The following PCDH11X variants were observed in gnomAD, a reference collection of about 807,000 sequenced individuals.
PCDH11X encodes protocadherin 11 X-linked.
PCDH11X carries 18 observed loss-of-function variants against 53.3 expected under a neutral mutation model. The ratio of observed to expected loss-of-function variants is 0.34; its 90% CI spans 0.23 to 0.50. The LOEUF is 0.50. PCDH11X is among the 20% of genes least tolerant of loss of function. The pLI is 0.98. For synonymous variants in PCDH11X, 279 were observed against 393.3 expected, an observed-to-expected ratio of 0.71 and a Z score of 3.44; for missense variants, 570 against 1,032.4, an observed-to-expected ratio of 0.55 and a Z score of 6.14.
chrX:91,892,932 G>A (rs1940572280), intron 6 of PCDH11X, among the ~76,000 whole-genome samples: 1 of 110,161 alleles, frequency 9.1e-6, no homozygotes, highest in Admixed American at 9.8e-5. Context: ...GATTACAGGC[G>A]TGAGCCACCA....
chrX:91,813,207 T>A (rs1445128514), intron 4 of PCDH11X, among the ~76,000 whole-genome samples: 1 of 111,569 alleles, frequency 9.0e-6, no homozygotes, highest in Non-Finnish European at 1.9e-5. Context: ...AATATGCTAA[T>A]TGAATATTGA....
intron 6 of PCDH11X, among the ~76,000 whole-genome samples, chrX:92,120,026 G>A (rs2064722159): frequency 9.0e-6 from 1 of 110,620 alleles, no homozygotes; most frequent in Non-Finnish European, 1.9e-5. Flanking sequence ...AGCTAAAAGG[G>A]GACAGGAGTG....
intron 10 of PCDH11X, among the ~76,000 whole-genome samples, chrX:92,594,809 A>G (rs1281995709): frequency 2.5e-4 from 26 of 104,993 alleles, no homozygotes; most frequent in Non-Finnish European, 4.9e-4. Flanking sequence ...AAACCAAAAT[A>G]ATCTTCCTAC....
intron 8 of PCDH11X, among the ~76,000 whole-genome samples, chrX:92,337,348 C>A (rs192583607): frequency 1.0e-4 from 11 of 110,005 alleles, no homozygotes; most frequent in Non-Finnish European, 1.7e-4. Flanking sequence ...ATAGTGAGTT[C>A]TTGCTCCCTT....
At chrX:92,148,118 CTTT>C (rs2065349549) in intron 6 of PCDH11X, among the ~76,000 whole-genome samples, 18 of 11,994 alleles carry the variant, frequency 1.5e-3, no homozygotes, top group East Asian at 9.7e-3. Context: ...TTCTTTCTTT[CTTT>C]CTTTCTTTCT....
chrX:92,381,759 A>G (rs1311750582), intron 8 of PCDH11X, among the ~76,000 whole-genome samples: 1 of 111,985 alleles, frequency 8.9e-6, no homozygotes, highest in Non-Finnish European at 1.9e-5. Context: ...TGGCAAAGGG[A>G]GAATTATTTT....
chrX:91,890,174 A>C (rs944575486), intron 6 of PCDH11X, among the ~76,000 whole-genome samples: 20 of 110,734 alleles, frequency 1.8e-4, no homozygotes, highest in African/African-American at 5.9e-4. Flanking sequence ...TGTATGTGTG[A>C]GCACAGATAT....
rs112132834 is a variant in PCDH11X at position 92,198,232 on chromosome X, C to CAA, written c.3034-3132_3034-3131dup. 2.3e-3 allele frequency among the ~76,000 whole-genome samples: 193 copies of CAA among 83,002 alleles called. No individual in the cohort carries two copies. The East Asian group carries it at 0.027, about 12-fold the overall frequency. The allele number at this position is 83,002 out of a possible 115,157, so 72.1% of individuals were successfully genotyped here. Reference sequence around the variant, plus strand: ...GTAATATGATGAAACACTGTCTCTACAAAAAAAAAAAAGAAAAAAAATACA... The same window carrying CAA: ...GTAATATGATGAAACACTGTCTCTACAAAAAAAAAAAAAAGAAAAAAAATACA... On this transcript the variant is annotated intron_variant, in intron 6 of 10. Coordinates refer to ENST00000682573, the MANE Select transcript of PCDH11X (RefSeq NM_032968.5).
chrX:91,981,592 C>A (rs2062139459), intron 6 of PCDH11X, among the ~76,000 whole-genome samples: 1 of 111,561 alleles, frequency 9.0e-6, no homozygotes, highest in African/African-American at 3.3e-5. Flanking sequence ...CTCTATTAGT[C>A]CATTTTCATT....
At chrX:91,848,300 C>T (rs1189249228) in intron 5 of PCDH11X, among the ~76,000 whole-genome samples, 1 of 108,989 alleles carries the variant, frequency 9.2e-6, no homozygotes, top group Non-Finnish European at 1.9e-5. Context: ...CATGGGGGTT[C>T]ACTCTATTCT....
At chrX:92,460,830 A>G in intron 9 of PCDH11X, 1 of 1,078,413 alleles carries the variant, frequency 9.3e-7, no homozygotes. Context: ...CGAGGACTTC[A>G]CTCTTGGTGA....
intron 8 of PCDH11X, among the ~76,000 whole-genome samples, chrX:92,279,742 TATGA>T (rs2068205426): frequency 8.9e-6 from 1 of 112,457 alleles, no homozygotes; most frequent in African/African-American, 3.2e-5. Context: ...TTTGGCAATA[TATGA>T]ATGGTTTTTG....
chrX:91,995,241 C>CA lies in PCDH11X; in HGVS notation c.3033+115979dup, dbSNP rs369052107. ...AAAAAAAAAAAAACAAAAAAACAAA[C>CA]AAAAAAAAAAACACTGCTGAGACAA... On this transcript the variant is annotated intron_variant, in intron 6 of 10. Coordinates refer to ENST00000682573, the MANE Select transcript of PCDH11X (RefSeq NM_032968.5). Among the ~76,000 whole-genome samples the CA allele has an allele frequency of 5.1e-3, 487 of 95,683 alleles. 2 individuals carry two copies. Among genetic ancestry groups the CA allele is most frequent in the African/African-American group, 9.4e-3 (252 of 26,795 alleles). 83.1% of individuals were successfully genotyped at this position (95,683 alleles called of 115,157 possible). A position where few individuals can be genotyped will look rare whatever the true frequency, so the allele number is the denominator to read the frequency against.
intron 4 of PCDH11X, among the ~76,000 whole-genome samples, chrX:91,821,300 C>T (rs1936671536): frequency 9.2e-6 from 1 of 109,135 alleles, no homozygotes; most frequent in African/African-American, 3.4e-5. Flanking sequence ...TCTTCCTACC[C>T]ATGAGCATGG....
intron 8 of PCDH11X, among the ~76,000 whole-genome samples, chrX:92,328,669 G>A (rs760504104): frequency 4.4e-4 from 49 of 110,857 alleles, no homozygotes; most frequent in African/African-American, 1.4e-3. Flanking sequence ...TACTGTATAC[G>A]TTTGACAACT....
At position 92,371,575 on chromosome X, in the gene PCDH11X, A is replaced by C. The variant is rs184240651; in HGVS notation, c.3145-16160A>C. The stretch of plus-strand genomic sequence containing the variant: ...CTCAAAAATTCATTAGTGTACTTTT[A>C]ATTCAACAGATATGTATTGACTTTT... On this transcript the variant is annotated intron_variant, in intron 8 of 10. Coordinates refer to ENST00000682573, the MANE Select transcript of PCDH11X (RefSeq NM_032968.5). Among the ~76,000 whole-genome samples the C allele has an allele frequency of 2.1e-4, 23 of 110,832 alleles. No individual in the cohort carries two copies. The East Asian group carries it at 6.3e-3, about 30-fold the overall frequency.
intron 6 of PCDH11X, among the ~76,000 whole-genome samples, chrX:91,985,657 G>T (rs2062217729): frequency 8.9e-6 from 1 of 112,294 alleles, no homozygotes; most frequent in African/African-American, 3.2e-5. Flanking sequence ...ATTTTCCTGA[G>T]ATTTTTGTTT....
chrX:92,036,125 ATC>A (rs1224237091), intron 6 of PCDH11X, among the ~76,000 whole-genome samples: 1 of 87,761 alleles, frequency 1.1e-5, no homozygotes, highest in African/African-American at 4.4e-5. Context: ...AAGGGCATAT[ATC>A]TCTGTTTCTT....
intron 4 of PCDH11X, among the ~76,000 whole-genome samples, chrX:91,829,612 C>T (rs1937043767): frequency 9.0e-6 from 1 of 110,876 alleles, no homozygotes; most frequent in Non-Finnish European, 1.9e-5. Flanking sequence ...ATTCCAAGCC[C>T]ATCACTTTCT....
Sources: allele counts gnomAD v4.1 joint callset (sites outside exome capture counted in the v4.1 genomes callset), GRCh38; gene constraint gnomAD v4.1.1; transcripts MANE v1.5; gene names NCBI Gene and HGNC (gene_info 2026-07-23, HGNC 2026-07-21).